CADM2: variants seen among roughly 807,000 people sequenced by gnomAD.
CADM2 encodes the protein cell adhesion molecule 2.
A neutral mutation model predicts 49.8 loss-of-function variants in CADM2; 12 were observed. That is an observed-to-expected ratio of 0.24 (90% confidence interval 0.15 to 0.39). The LOEUF (loss-of-function observed/expected upper bound fraction) is 0.39. Among genes scored for constraint, CADM2 ranks in the 10% least tolerant of loss-of-function variants. The probability of loss-of-function intolerance (pLI) is 1.00; values close to 1 mark genes in which losing one functional copy is unlikely to be tolerated. For synonymous variants in CADM2, 214 were observed against 175.4 expected (o/e 1.22, Z -1.74); for missense variants, 378 against 492.3 (o/e 0.77, Z 2.20).
chr3:85,320,495 C>A (rs962214630), intron 1 of CADM2, among the ~76,000 whole-genome samples: 1 of 152,144 alleles, frequency 6.6e-6, no homozygotes, highest in African/African-American at 2.4e-5. Context: ...AGTCTGATTT[C>A]TGTAGCTGCC....
chr3:85,692,124 A>G (rs1362289946), intron 1 of CADM2, among the ~76,000 whole-genome samples: 2 of 152,156 alleles, frequency 1.3e-5, no homozygotes, highest in Non-Finnish European at 2.9e-5. Context: ...TTAAAGTATA[A>G]TTAAAAAATA....
At chr3:85,228,371 A>G (rs2042207419) in intron 1 of CADM2, among the ~76,000 whole-genome samples, 1 of 151,826 alleles carries the variant, frequency 6.6e-6, no homozygotes, top group African/African-American at 2.4e-5. Context: ...TATTTCATTA[A>G]GTTAATCTTC....
At chr3:85,043,235 C>T (rs937760716) in intron 1 of CADM2, among the ~76,000 whole-genome samples, 1 of 151,934 alleles carries the variant, frequency 6.6e-6, no homozygotes, top group African/African-American at 2.4e-5. Context: ...TTATGGCTTG[C>T]TACAGGTAGG....
chr3:85,628,513 A>G (rs1405081217), intron 1 of CADM2, among the ~76,000 whole-genome samples: 1 of 76,332 alleles, frequency 1.3e-5, no homozygotes, highest in Admixed American at 1.9e-4. Flanking sequence ...TCCCATATAC[A>G]TATATATATA....
chr3:85,837,710 A>C (rs2074468536), intron 3 of CADM2, among the ~76,000 whole-genome samples: 1 of 151,760 alleles, frequency 6.6e-6, no homozygotes. Context: ...ATACTGCTTA[A>C]AAGAGCTGTA....
chr3:86,007,250 T>C (rs2106871629), intron 8 of CADM2, among the ~76,000 whole-genome samples: 1 of 152,072 alleles, frequency 6.6e-6, no homozygotes, highest in South Asian at 2.1e-4. Context: ...TATGCCTCTA[T>C]TCAAAGCAGA....
chr3:85,922,605 A>C (rs1003144041), intron 6 of CADM2, among the ~76,000 whole-genome samples: 2 of 152,096 alleles, frequency 1.3e-5, no homozygotes, highest in African/African-American at 2.4e-5. Context: ...CTTGTAAATA[A>C]TGAGTCAAGC....
chr3:85,829,203 A>T (rs1311488592), intron 3 of CADM2, among the ~76,000 whole-genome samples: 1 of 151,962 alleles, frequency 6.6e-6, no homozygotes, highest in Non-Finnish European at 1.5e-5. Flanking sequence ...TTTCTTTAAT[A>T]GTAGCCATTC....
At chr3:85,310,435 T>G (rs2044315008) in intron 1 of CADM2, among the ~76,000 whole-genome samples, 1 of 152,296 alleles carries the variant, frequency 6.6e-6, no homozygotes, top group South Asian at 2.1e-4. Context: ...GGTGCTACAC[T>G]TAACCACAAT....
At chr3:85,602,236 A>C (rs1173786209) in intron 1 of CADM2, among the ~76,000 whole-genome samples, 3 of 151,786 alleles carry the variant, frequency 2.0e-5, no homozygotes, top group Non-Finnish European at 4.4e-5. Context: ...CCCTGTTTTT[A>C]GAATGTGTTT....
chr3:85,553,257 G>A (rs917181257), intron 1 of CADM2, among the ~76,000 whole-genome samples: 3 of 151,770 alleles, frequency 2.0e-5, no homozygotes, highest in African/African-American at 7.3e-5. Flanking sequence ...TGCTTACCAA[G>A]CATCTACCAT....
intron 8 of CADM2, among the ~76,000 whole-genome samples, chr3:85,975,695 T>A (rs1726688991): frequency 6.6e-6 from 1 of 151,640 alleles, no homozygotes; most frequent in African/African-American, 2.4e-5. Flanking sequence ...ATAACTACAT[T>A]TTTATTTCAG....
intron 8 of CADM2, 24 bp downstream of exon 8, chr3:85,961,671 A>G (rs1305834105): frequency 2.0e-6 from 3 of 1,497,258 alleles, no homozygotes; most frequent in Non-Finnish European, 2.7e-6. Context: ...GGAAAACATT[A>G]TATGTGAAAG....
At chr3:85,516,995 T>C (rs1224302290) in intron 1 of CADM2, among the ~76,000 whole-genome samples, 1 of 151,972 alleles carries the variant, frequency 6.6e-6, no homozygotes, top group Non-Finnish European at 1.5e-5. Context: ...ACTTTGTCAT[T>C]TTTATTTATG....
intron 2 of CADM2, among the ~76,000 whole-genome samples, chr3:85,782,461 G>A (rs2082789508): frequency 6.6e-6 from 1 of 151,818 alleles, no homozygotes; most frequent in Admixed American, 6.6e-5. Context: ...CGGATCACGA[G>A]GTCAGGAGAT....
chr3:85,353,226 G>A (rs1436159695), intron 1 of CADM2, among the ~76,000 whole-genome samples: 1 of 151,588 alleles, frequency 6.6e-6, no homozygotes, highest in African/African-American at 2.4e-5. Context: ...TGAAGTCAGT[G>A]ACTCTTATAA....
intron 8 of CADM2, 73 bp from the exon 9 acceptor site, chr3:86,065,532 C>G: frequency 6.9e-7 from 1 of 1,439,928 alleles, no homozygotes; most frequent in Non-Finnish European, 9.4e-7. Context: ...CAAAATAACT[C>G]ATTCTAATGC....
intron 1 of CADM2, among the ~76,000 whole-genome samples, chr3:85,590,331 G>T (rs2063070046): frequency 6.6e-6 from 1 of 151,978 alleles, no homozygotes; most frequent in African/African-American, 2.4e-5. Context: ...AAGTTTGGGG[G>T]CAACAAGTGT....
intron 1 of CADM2, among the ~76,000 whole-genome samples, chr3:85,014,239 ATAT>A (rs1357472525): frequency 1.3e-4 from 19 of 149,236 alleles, no homozygotes; most frequent in African/African-American, 4.5e-4. Context: ...CAGTGTAATA[ATAT>A]TGTATATTAT....
Sources: gnomAD v4.1 joint callset for allele counts (sites outside exome capture counted in the v4.1 genomes callset) on GRCh38, gnomAD v4.1.1 for gene constraint, MANE v1.5 for transcripts, NCBI Gene and HGNC (gene_info 2026-07-23, HGNC 2026-07-21) for gene names.